PDE4B: variants seen among roughly 807,000 people sequenced by gnomAD.
The protein encoded by PDE4B is phosphodiesterase 4B.
Under a neutral mutation model 82.2 loss-of-function variants are expected in PDE4B, and 20 were observed. The observed-to-expected ratio is 0.24, with a 90% CI of 0.17 to 0.35. The LOEUF is 0.35. Ranked by LOEUF, PDE4B falls within the 10% of genes least tolerant of loss-of-function variation. The probability of loss-of-function intolerance (pLI) is 1.00; values close to 1 mark genes in which losing one functional copy is unlikely to be tolerated. For synonymous variants in PDE4B, 320 were observed against 318.9 expected (o/e 1.00, Z -0.04); for missense variants, 655 against 907.2 (o/e 0.72, Z 3.57).
chr1:66,188,088 A>G (rs968932555), intron 3 of PDE4B, among the ~76,000 whole-genome samples: 5 of 150,576 alleles, frequency 3.3e-5, no homozygotes, highest in African/African-American at 1.2e-4. Flanking sequence ...TCATTTTGTT[A>G]TGTACCCAGT....
rs527313233 is a variant in PDE4B at position 66,298,131 on chromosome 1, T to A, written c.634+32044T>A. On this transcript the variant is annotated intron_variant, in intron 7 of 16. Coordinates refer to ENST00000341517, the MANE Select transcript of PDE4B (RefSeq NM_002600.4). ...TGTGCTAATTTAATAACTTACAAAGTTCATCAATAGAACAATATACTTTTG... is the reference window on the plus strand; with the variant it reads ...TGTGCTAATTTAATAACTTACAAAGATCATCAATAGAACAATATACTTTTG... Among the ~76,000 whole-genome samples the A allele has an allele frequency of 5.3e-5, 8 of 152,332 alleles. No individual in the cohort carries two copies. The South Asian group carries it at 1.7e-3, about 32-fold the overall frequency.
At chr1:66,171,388 C>T (rs2101338197) in intron 3 of PDE4B, among the ~76,000 whole-genome samples, 1 of 152,150 alleles carries the variant, frequency 6.6e-6, no homozygotes, top group African/African-American at 2.4e-5. Flanking sequence ...GAAGCATTTC[C>T]TTGAAACTAG....
intron 1 of PDE4B, among the ~76,000 whole-genome samples, chr1:65,796,335 C>T (rs1645631288): frequency 6.6e-6 from 1 of 152,142 alleles, no homozygotes; most frequent in African/African-American, 2.4e-5. Context: ...TTCTTATCTG[C>T]TTCTGTGACT....
intron 10 of PDE4B, among the ~76,000 whole-genome samples, chr1:66,362,499 G>A (rs997222325): frequency 1.3e-5 from 2 of 152,180 alleles, no homozygotes; most frequent in Non-Finnish European, 2.9e-5. Context: ...ATTAGGCCAA[G>A]TCGTGGTGGA....
chr1:65,837,586 C>T (rs530694034), intron 1 of PDE4B, among the ~76,000 whole-genome samples: 20 of 152,200 alleles, frequency 1.3e-4, no homozygotes, highest in African/African-American at 4.1e-4. Flanking sequence ...TCAGCCTGGA[C>T]GACAGAGCAA....
At chr1:66,151,311 TA>T (rs1343322447) in intron 3 of PDE4B, among the ~76,000 whole-genome samples, 1 of 152,204 alleles carries the variant, frequency 6.6e-6, no homozygotes. Flanking sequence ...TGTTAAAATT[TA>T]ATCTCATTAG....
chr1:66,087,418 C>T (rs964629395), intron 3 of PDE4B, among the ~76,000 whole-genome samples: 12 of 151,940 alleles, frequency 7.9e-5, no homozygotes, highest in Admixed American at 1.3e-4. Flanking sequence ...GAGTAGGTTG[C>T]GAAAATTTTC....
intron 3 of PDE4B, among the ~76,000 whole-genome samples, chr1:66,107,333 A>G (rs1242568175): frequency 1.3e-5 from 2 of 151,692 alleles, no homozygotes; most frequent in Non-Finnish European, 3.0e-5. Context: ...TCTTTCATTC[A>G]TTATTTTCAG....
intron 3 of PDE4B, among the ~76,000 whole-genome samples, chr1:66,175,649 T>G (rs990307755): frequency 2.0e-5 from 3 of 152,210 alleles, no homozygotes; most frequent in African/African-American, 7.2e-5. Context: ...GATGTGAGCC[T>G]TAGCACGTGC....
chr1:66,091,269 G>A (rs1303617968), intron 3 of PDE4B, among the ~76,000 whole-genome samples: 1 of 151,906 alleles, frequency 6.6e-6, no homozygotes, highest in African/African-American at 2.4e-5. Flanking sequence ...GACAATTCAG[G>A]GGTTTCCTAG....
intron 3 of PDE4B, among the ~76,000 whole-genome samples, chr1:66,076,692 A>G (rs1327772410): frequency 6.6e-6 from 1 of 152,140 alleles, no homozygotes; most frequent in East Asian, 1.9e-4. Context: ...TAGACTTTTT[A>G]ACAAAGACCA....
At chr1:66,031,532 A>G (rs943278525) in intron 3 of PDE4B, among the ~76,000 whole-genome samples, 2 of 152,154 alleles carry the variant, frequency 1.3e-5, no homozygotes, top group African/African-American at 4.8e-5. Context: ...TTTTTTCCCT[A>G]TTATTTCAGA....
At chr1:66,174,541 A>G (rs991758249) in intron 3 of PDE4B, among the ~76,000 whole-genome samples, 5 of 152,062 alleles carry the variant, frequency 3.3e-5, no homozygotes, top group African/African-American at 1.2e-4. Flanking sequence ...GCGGATCACA[A>G]GGTCAGGAGT....
chr1:66,337,714 A>G (rs558818358), intron 8 of PDE4B, among the ~76,000 whole-genome samples: 1 of 152,354 alleles, frequency 6.6e-6, no homozygotes, highest in African/African-American at 2.4e-5. Context: ...ATTTAGACTT[A>G]CAGTGTGTGG....
chr1:65,896,136 C>G (rs1260710946), intron 1 of PDE4B, among the ~76,000 whole-genome samples: 1 of 151,774 alleles, frequency 6.6e-6, no homozygotes, highest in African/African-American at 2.4e-5. Context: ...TGTTCTCGCA[C>G]TGCTAATAAA....
intron 4 of PDE4B, among the ~76,000 whole-genome samples, chr1:66,256,404 C>T (rs571540452): frequency 1.3e-5 from 2 of 152,110 alleles, no homozygotes; most frequent in Non-Finnish European, 2.9e-5. Flanking sequence ...TGAGATAATA[C>T]ATGTAAACTG....
chr1:66,147,554 T>G (rs1310942685), intron 3 of PDE4B, among the ~76,000 whole-genome samples: 1 of 152,236 alleles, frequency 6.6e-6, no homozygotes, highest in African/African-American at 2.4e-5. Context: ...CCATGCATTT[T>G]GAGTTGCTTT....
intron 3 of PDE4B, among the ~76,000 whole-genome samples, chr1:66,181,206 G>T (rs1198789906): frequency 6.6e-6 from 1 of 152,118 alleles, no homozygotes; most frequent in Non-Finnish European, 1.5e-5. Flanking sequence ...GTAATTTATT[G>T]TCTGTTTCAC....
At chr1:65,804,096 G>A (rs976972871) in intron 1 of PDE4B, among the ~76,000 whole-genome samples, 4 of 152,150 alleles carry the variant, frequency 2.6e-5, no homozygotes, top group Admixed American at 1.3e-4. Flanking sequence ...AGGCTTTTTA[G>A]GCATGCTTAG....
Sources: gnomAD v4.1 joint callset for allele counts (sites outside exome capture counted in the v4.1 genomes callset) on GRCh38, gnomAD v4.1.1 for gene constraint, MANE v1.5 for transcripts, NCBI Gene and HGNC (gene_info 2026-07-23, HGNC 2026-07-21) for gene names.